The following ENTHD1 variants were observed in gnomAD, a reference collection of about 807,000 sequenced individuals.
ENTHD1 encodes ENTH domain-containing protein 1.
ENTHD1 carries 23 observed loss-of-function variants against 39.1 expected under a neutral mutation model. The ratio of observed to expected loss-of-function variants is 0.59; its 90% confidence interval spans 0.42 to 0.83. The LOEUF is 0.83. Among genes scored for constraint, ENTHD1 ranks in the 40% least tolerant of loss-of-function variants. The pLI is 0.00. For synonymous variants in ENTHD1, 230 were observed against 258.2 expected (o/e 0.89, Z 1.05); for missense variants, 624 against 705.4 (o/e 0.88, Z 1.31).
chr22:39,843,253 A>G (rs1401907858), intron 3 of ENTHD1, among the ~76,000 whole-genome samples: 1 of 152,104 alleles, frequency 6.6e-6, no homozygotes, highest in African/African-American at 2.4e-5. Flanking sequence ...AATGTGGCAC[A>G]TATACACCAT....
intron 2 of ENTHD1, among the ~76,000 whole-genome samples, chr22:39,869,401 G>A (rs2066218426): frequency 6.6e-6 from 1 of 152,122 alleles, no homozygotes; most frequent in African/African-American, 2.4e-5. Flanking sequence ...TTATAAATGG[G>A]AGAATGGGAG....
chr22:39,851,500 T>G (rs1601641344), intron 3 of ENTHD1, among the ~76,000 whole-genome samples: 3 of 152,332 alleles, frequency 2.0e-5, no homozygotes, highest in Middle Eastern at 3.4e-3. Flanking sequence ...CTTTGCTGCT[T>G]ACCTCCTCCT....
rs138017237 is a variant in ENTHD1, at chr22:39,819,923, A to G, written c.832+1070T>C. Among the ~76,000 whole-genome samples, 336 of 152,330 alleles carry G rather than the reference A, an allele frequency of 2.2e-3. 1 individual carries two copies. The highest frequency in any genetic ancestry group is 7.6e-3 in the African/African-American group (318 of 41,580). On this transcript the variant is annotated intron_variant, in intron 5 of 6. Transcript: ENST00000325157. ...AACTGTCAGGGGGTGCAGAATACAA[A>G]ACATTTTCCTTAATGCTCTTCTTTC...
At chr22:39,875,728 G>A in intron 2 of ENTHD1, 1 of 1,613,028 alleles carries the variant, frequency 6.2e-7, no homozygotes. Context: ...CTGCTGATGT[G>A]TTGGCCCTGG....
At chr22:39,874,930 C>T (rs1466289245) in intron 2 of ENTHD1, among the ~76,000 whole-genome samples, 1 of 152,126 alleles carries the variant, frequency 6.6e-6, no homozygotes, top group Non-Finnish European at 1.5e-5. Flanking sequence ...CTTAAGAAAA[C>T]TTTAGTTTCT....
chr22:39,763,300 C>T (rs2065250619), intron 6 of ENTHD1, among the ~76,000 whole-genome samples: 1 of 152,154 alleles, frequency 6.6e-6, no homozygotes. Context: ...AAGCTGCTTC[C>T]CATTTAGTTT....
At position 39,856,870 on chromosome 22, in the gene ENTHD1, AAAG is replaced by A. The variant is rs1569169809; in HGVS notation, c.592+4892_592+4894del. Among the ~76,000 whole-genome samples, 751 of 130,568 alleles carry A rather than the reference AAAG, an allele frequency of 5.8e-3. 8 individuals are homozygous for A. Among genetic ancestry groups the A allele is most frequent in the Middle Eastern group, 0.027 (7 of 256 alleles). The allele number at this position is 130,568 out of a possible 152,430, so 85.7% of individuals were successfully genotyped here. ...CCTGTCTCAAAAAAAAAAAAAAAAG[AAAG>A]AAAGAAAAGGAAAAGAAAAAGCACA... On this transcript the variant is annotated intron_variant, in intron 3 of 6. Coordinates refer to ENST00000325157, the MANE Select transcript of ENTHD1 (RefSeq NM_152512.4).
intron 6 of ENTHD1, among the ~76,000 whole-genome samples, chr22:39,753,560 C>A (rs2065162857): frequency 6.6e-6 from 1 of 152,138 alleles, no homozygotes. Context: ...TTTAATTTTC[C>A]TAACTTGTTA....
intron 5 of ENTHD1, among the ~76,000 whole-genome samples, chr22:39,817,887 T>G (rs1451920395): frequency 6.6e-6 from 1 of 152,172 alleles, no homozygotes; most frequent in Non-Finnish European, 1.5e-5. Flanking sequence ...TGATGGAAGA[T>G]TGTTGCAGAT....
intron 4 of ENTHD1, among the ~76,000 whole-genome samples, chr22:39,832,364 A>C (rs577437643): frequency 6.6e-6 from 1 of 152,296 alleles, no homozygotes; most frequent in South Asian, 2.1e-4. Context: ...CTAAGTGGGC[A>C]CCTACGAAAG....
chr22:39,803,042 T>G (rs1367377261), intron 5 of ENTHD1, among the ~76,000 whole-genome samples: 1 of 152,186 alleles, frequency 6.6e-6, no homozygotes, highest in Non-Finnish European at 1.5e-5. Flanking sequence ...TCCTCCCCAA[T>G]TTGTGTTTAA....
rs530851401 is a variant in ENTHD1, at chr22:39,778,599, T to C, written c.833-12990A>G. On this transcript the variant is annotated intron_variant, in intron 5 of 6. Coordinates refer to ENST00000325157, the MANE Select transcript of ENTHD1 (RefSeq NM_152512.4). Reference sequence around the variant, plus strand: ...TCAAAATAAGCAAAAAAGACACCTATTAAAACTTTAAATATTACAGTATAC... The same window carrying C: ...TCAAAATAAGCAAAAAAGACACCTACTAAAACTTTAAATATTACAGTATAC... 1.2e-3 allele frequency among the ~76,000 whole-genome samples: 179 copies of C among 152,284 alleles called. 2 individuals are homozygous for C. The highest frequency in any genetic ancestry group is 0.01 in the Middle Eastern group (3 of 294).
chr22:39,856,178 G>A (rs2066083933), intron 3 of ENTHD1, among the ~76,000 whole-genome samples: 1 of 151,224 alleles, frequency 6.6e-6, no homozygotes. Flanking sequence ...GGAGGCTGAG[G>A]CAGGAGAACC....
At chr22:39,776,712 A>C (rs17001457) in intron 5 of ENTHD1, among the ~76,000 whole-genome samples, 1,961 of 152,310 alleles carry the variant, frequency 0.013, 45 homozygotes, top group African/African-American at 0.045. Flanking sequence ...CTTTGAGCCT[A>C]AGGACAAAAG....
At chr22:39,892,858 A>T (rs1460902407) in intron 1 of ENTHD1, among the ~76,000 whole-genome samples, 1 of 152,224 alleles carries the variant, frequency 6.6e-6, no homozygotes, top group Non-Finnish European at 1.5e-5. Flanking sequence ...TATAGAGACT[A>T]CCATGCCATT....
At chr22:39,833,873 C>T (rs2058550871) in intron 4 of ENTHD1, among the ~76,000 whole-genome samples, 1 of 145,582 alleles carries the variant, frequency 6.9e-6, no homozygotes, top group African/African-American at 2.6e-5. Context: ...GAAAACCACA[C>T]TTACGCATAC....
chr22:39,858,050 G>A (rs1478639810), intron 3 of ENTHD1, among the ~76,000 whole-genome samples: 3 of 152,144 alleles, frequency 2.0e-5, no homozygotes, highest in Non-Finnish European at 4.4e-5. Flanking sequence ...TTTCACAAAA[G>A]ATTTATCTGT....
At position 39,860,649 on chromosome 22, in the gene ENTHD1, A is replaced by G. The variant is rs568329808; in HGVS notation, c.592+1116T>C. Among the ~76,000 whole-genome samples the G allele has an allele frequency of 6.6e-5, 10 of 152,328 alleles. No homozygotes were observed. In the South Asian group the frequency reaches 1.2e-3, roughly 19 times the overall value. On this transcript the variant is annotated intron_variant, in intron 3 of 6. Coordinates refer to ENST00000325157, the MANE Select transcript of ENTHD1 (RefSeq NM_152512.4). The stretch of plus-strand genomic sequence containing the variant: ...TTTAGCAAGCTTAACTTGTGTTGGT[A>G]TTACTAGTAACATTGTTACATTTTT...
At chr22:39,854,527 C>T (rs926066053) in intron 3 of ENTHD1, among the ~76,000 whole-genome samples, 13 of 152,146 alleles carry the variant, frequency 8.5e-5, no homozygotes, top group Admixed American at 5.9e-4. Context: ...GTTGCCTCTA[C>T]AAAAATGGCC....
Sources: gnomAD v4.1 joint callset for allele counts (sites outside exome capture counted in the v4.1 genomes callset) on GRCh38, gnomAD v4.1.1 for gene constraint, MANE v1.5 for transcripts, NCBI Gene and HGNC (gene_info 2026-07-23, HGNC 2026-07-21) for gene names.